The following LRRK1 variants were observed in gnomAD, a reference collection of about 807,000 sequenced individuals.
LRRK1 encodes the protein leucine-rich repeat serine/threonine-protein kinase 1.
In LRRK1, 113 loss-of-function variants were observed where a neutral mutation model predicts 209.1. The observed-to-expected ratio is 0.54, with a 90% CI of 0.46 to 0.63. The LOEUF (loss-of-function observed/expected upper bound fraction) is 0.63. Among genes scored for constraint, LRRK1 ranks in the 30% least tolerant of loss-of-function variants. The pLI is 0.00. For missense variants in LRRK1, 2,284 were observed against 2,632.2 expected (o/e 0.87, Z 2.89); for synonymous variants, 1,144 against 1,099.7 (o/e 1.04, Z -0.80).
chr15:100,982,461 C>G (rs1212341187), intron 3 of LRRK1, among the ~76,000 whole-genome samples: 2 of 152,240 alleles, frequency 1.3e-5, no homozygotes, highest in East Asian at 3.8e-4. Context: ...TGGGCAAGCT[C>G]TGAAGCCTCT....
Position 101,027,442 on chromosome 15 carries a change from C to A in LRRK1, c.2526+61C>A. ...CCTGCTTCCCATTGTTGGGGGTCCT[C>A]ACTTCCCCCTCTCTCCTGTGAAGCC... On this transcript the variant is annotated intron_variant, in intron 18 of 33. Transcript: ENST00000388948. This position sits in a 1 kb window ranked among gnomAD's most constrained non-coding sequence, Gnocchi z 5.1. 1 of 1,583,738 alleles carries A rather than the reference C, an allele frequency of 6.3e-7. No homozygotes were observed. Among genetic ancestry groups the A allele is most frequent in the South Asian group, 1.2e-5 (1 of 86,882 alleles).
At chr15:101,060,675 G>A (rs1439062460) in intron 29 of LRRK1, among the ~76,000 whole-genome samples, 1 of 152,264 alleles carries the variant, frequency 6.6e-6, no homozygotes, top group African/African-American at 2.4e-5. Context: ...AGCCTGAGGG[G>A]AGACAGCGAT....
chr15:101,049,753 G>T lies in LRRK1; in HGVS notation c.3409G>T (p.Val1137Phe). 1 of 1,613,904 alleles carries T rather than the reference G, an allele frequency of 6.2e-7. No individual in the cohort carries two copies. The highest frequency in any genetic ancestry group is 8.5e-7 in the Non-Finnish European group (1 of 1,179,876). Residue 1137 changes from valine (V) to phenylalanine (F), a missense_variant, in exon 23 of 34, where the codon GTC becomes TTC. Physicochemically the swap from Val to Phe is conservative, Grantham distance 50. Transcript: ENST00000388948. ...AGCCATGGCTTTCATCACGGACCAC[G>T]TCAATTCCTTGATTGATCAGTGGTT... ...FSAMAFITDH[V>F]NSLIDQWFPA...
intron 31 of LRRK1, 32 bp from the exon 32 acceptor site, chr15:101,065,320 G>T (rs749706816): frequency 1.3e-6 from 2 of 1,599,288 alleles, no homozygotes; most frequent in Admixed American, 3.4e-5. Flanking sequence ...TGAAATGGAA[G>T]GATGTGACAC....
intron 3 of LRRK1, among the ~76,000 whole-genome samples, chr15:100,982,273 A>G (rs1009103038): frequency 6.6e-6 from 1 of 152,252 alleles, no homozygotes; most frequent in African/African-American, 2.4e-5. Context: ...ACTGATGTTC[A>G]AGCCCACAGG....
chr15:100,973,667 G>T (rs1198554064), intron 2 of LRRK1, 137 bp from the exon 3 acceptor site: 1 of 896,348 alleles, frequency 1.1e-6, no homozygotes, highest in Non-Finnish European at 1.5e-6. Context: ...AGCGTCGCGG[G>T]GCCACCCCTC....
chr15:101,006,613 T>C (rs1041097139), intron 6 of LRRK1, among the ~76,000 whole-genome samples: 2 of 142,254 alleles, frequency 1.4e-5, no homozygotes, highest in Non-Finnish European at 3.0e-5. Context: ...CTGAAAATGA[T>C]AATTATACGG....
At chr15:101,061,381 C>G in intron 30 of LRRK1, 93 bp downstream of exon 30, 1 of 826,784 alleles carries the variant, frequency 1.2e-6, no homozygotes, top group Non-Finnish European at 2.0e-6. Context: ...ATACAGGACG[C>G]CAGGTCAAGT....
chr15:100,995,116 C>T (rs1175803549), intron 6 of LRRK1, among the ~76,000 whole-genome samples: 2 of 152,168 alleles, frequency 1.3e-5, no homozygotes, highest in Non-Finnish European at 2.9e-5. Context: ...TGCTCCAGCC[C>T]TGGTACAACA....
intron 23 of LRRK1, among the ~76,000 whole-genome samples, chr15:101,051,289 GC>G (rs1483621020): frequency 3.3e-5 from 5 of 152,228 alleles, no homozygotes; most frequent in Non-Finnish European, 7.3e-5. Flanking sequence ...CCCCTGCATT[GC>G]CCTTCATGGA....
chr15:101,031,075 T>C (rs7170690), intron 20 of LRRK1, among the ~76,000 whole-genome samples: 146,505 of 152,336 alleles, frequency 0.96, 70,705 homozygotes, highest in East Asian at 1. Flanking sequence ...TCACTGCAAA[T>C]GCTGTTAATT....
chr15:101,034,755 A>G lies in LRRK1; in HGVS notation c.2963+5523A>G, dbSNP rs116778761. Among the ~76,000 whole-genome samples the G allele has an allele frequency of 4.7e-3, 719 of 152,154 alleles. 5 individuals carry two copies. The highest frequency in any genetic ancestry group is 0.017 in the African/African-American group (689 of 41,534). On this transcript the variant is annotated intron_variant, in intron 20 of 33. Transcript: ENST00000388948. ...TATTCAATCTCTTGTTTGGTTCCAT[A>G]TGAATTTTAGAATCCATTATTGATC...
At chr15:100,953,890 T>C (rs1372234026) in intron 2 of LRRK1, among the ~76,000 whole-genome samples, 2 of 151,856 alleles carry the variant, frequency 1.3e-5, no homozygotes, top group African/African-American at 4.9e-5. Flanking sequence ...TAATAACACA[T>C]AGGTTTTTTT....
Position 101,075,163 on chromosome 15 carries a change from CT to C in LRRK1, c.*6317del, listed in dbSNP as rs1208481361. The C allele has an allele frequency of 3.6e-5, 2 of 55,024 alleles. No individual in the cohort carries two copies. Among genetic ancestry groups the C allele is most frequent in the Non-Finnish European group, 3.7e-5 (1 of 27,098 alleles). The allele number at this position is 55,024 out of a possible 1,614,324, so 3.4% of individuals were successfully genotyped here. A position where few individuals can be genotyped will look rare whatever the true frequency, so the allele number is the denominator to read the frequency against. On this transcript the variant is annotated 3_prime_UTR_variant, in exon 34 of 34. Coordinates refer to ENST00000388948, the MANE Select transcript of LRRK1 (RefSeq NM_024652.6). The stretch of plus-strand genomic sequence containing the variant: ...ACCTTCTTTTCAAGGGCCTGTTTCC[CT>C]TACCTCCATAACTGTTGTGCGTATT...
At chr15:101,045,865 A>G in intron 20 of LRRK1, 116 bp from the exon 21 acceptor site, 1 of 818,728 alleles carries the variant, frequency 1.2e-6, no homozygotes, top group Non-Finnish European at 2.0e-6. Context: ...GAAGGAACCC[A>G]GCAGCCTGAG....
rs1283656818 is a variant in LRRK1 at position 101,051,743 on chromosome 15, C to G, written c.3472C>G (p.Leu1158Val). 1.2e-6 allele frequency: 2 copies of G among 1,613,974 alleles called. No homozygotes were observed. Among genetic ancestry groups the G allele is most frequent in the Non-Finnish European group, 8.5e-7 (1 of 1,180,016 alleles). ...AGCCACAGAGAGCGACGGGACGCCA[C>G]TCATGGAGCAGTACGTGCCCTGCCC... ...LTATESDGTP[L>V]MEQYVPCPVC... Residue 1158 changes from leucine (L) to valine (V), a missense_variant, in exon 24 of 34, where the codon CTC becomes GTC. Physicochemically the swap from Leu to Val is conservative, Grantham distance 32. This residue lies in a region of LRRK1 where 780 missense variants were observed against 985.2 expected (regional missense o/e 0.79). Coordinates refer to ENST00000388948, the MANE Select transcript of LRRK1 (RefSeq NM_024652.6).
At chr15:101,006,342 G>T (rs1286694627) in intron 6 of LRRK1, among the ~76,000 whole-genome samples, 24 of 142,968 alleles carry the variant, frequency 1.7e-4, no homozygotes, top group Non-Finnish European at 1.5e-5. Flanking sequence ...GAGGCTAAAA[G>T]TTGCAGGACT....
intron 2 of LRRK1, among the ~76,000 whole-genome samples, chr15:100,952,567 G>C (rs1387610659): frequency 6.6e-6 from 1 of 152,188 alleles, no homozygotes; most frequent in Non-Finnish European, 1.5e-5. Context: ...TGGCTATCCA[G>C]TTGGACAAAC....
intron 27 of LRRK1, among the ~76,000 whole-genome samples, chr15:101,056,620 T>C (rs1040480425): frequency 6.6e-6 from 1 of 151,908 alleles, no homozygotes; most frequent in Non-Finnish European, 1.5e-5. Context: ...AATGGATGGA[T>C]GGGTGGATGG....
Sources: allele counts gnomAD v4.1 joint callset (sites outside exome capture counted in the v4.1 genomes callset), GRCh38; gene constraint gnomAD v4.1.1; regional missense constraint gnomAD v4.1.1; non-coding constraint Gnocchi (gnomAD v3.1); transcripts MANE v1.5; gene names NCBI Gene and HGNC (gene_info 2026-07-23, HGNC 2026-07-21).